The following ATRN variants were observed in gnomAD, a reference collection of about 807,000 sequenced individuals.
The protein encoded by ATRN is attractin, also known as attractin-2.
ATRN carries 54 observed loss-of-function variants against 178.7 expected under a neutral mutation model. The observed-to-expected ratio is 0.30, with a 90% CI of 0.24 to 0.38. ATRN has a LOEUF of 0.38. Among genes scored for constraint, ATRN ranks in the 10% least tolerant of loss-of-function variants. ATRN has a pLI of 1.00. For synonymous variants in ATRN, 636 were observed against 663.0 expected, an observed-to-expected ratio of 0.96 and a Z score of 0.63; for missense variants, 1,443 against 1,815.1, an observed-to-expected ratio of 0.79 and a Z score of 3.73.
chr20:3,503,743 C>T (rs962617846), intron 1 of ATRN, among the ~76,000 whole-genome samples: 5 of 151,988 alleles, frequency 3.3e-5, no homozygotes, highest in South Asian at 2.1e-4. Flanking sequence ...TTAATATTCA[C>T]GTAATTGGAT....
intron 18 of ATRN, among the ~76,000 whole-genome samples, chr20:3,589,882 C>G (rs1265163165): frequency 5.3e-5 from 8 of 152,210 alleles, no homozygotes; most frequent in Admixed American, 3.9e-4. Flanking sequence ...GCCTCCCAGC[C>G]TTGGGTGGTA....
At chr20:3,525,239 T>C (rs1002797696) in intron 1 of ATRN, among the ~76,000 whole-genome samples, 20 of 152,110 alleles carry the variant, frequency 1.3e-4, no homozygotes, top group African/African-American at 4.8e-4. Flanking sequence ...CCCAAAGAAA[T>C]AGAAACTGCC....
chr20:3,474,366 C>A (rs1193394405), intron 1 of ATRN, among the ~76,000 whole-genome samples: 3 of 151,996 alleles, frequency 2.0e-5, no homozygotes, highest in Non-Finnish European at 4.4e-5. Context: ...TGGGATTTTG[C>A]ATTTTTAAAA....
At chr20:3,630,940 TTTTTTTTTTTTTTTTTTTTTTTTTG>T (rs2086985324) in intron 25 of ATRN, among the ~76,000 whole-genome samples, 32 of 63,202 alleles carry the variant, frequency 5.1e-4, no homozygotes, top group East Asian at 2.0e-3. Flanking sequence ...TTTTTTTTTT[TTTTTTTTTTTTTTTTTTTTTTTTTG>T]GGATAGGGTC....
intron 2 of ATRN, among the ~76,000 whole-genome samples, chr20:3,538,089 C>T (rs73608180): frequency 1.4e-4 from 20 of 145,956 alleles, no homozygotes; most frequent in Non-Finnish European, 3.0e-5. Context: ...GTATATCTCC[C>T]AATGCTATCC....
At chr20:3,531,789 G>T (rs1373349325) in intron 1 of ATRN, among the ~76,000 whole-genome samples, 1 of 151,048 alleles carries the variant, frequency 6.6e-6, no homozygotes, top group African/African-American at 2.5e-5. Flanking sequence ...AACTGGGGAA[G>T]TGGGTTAAAA....
intron 26 of ATRN, 23 bp downstream of exon 26, chr20:3,634,412 T>A: frequency 6.2e-7 from 1 of 1,600,016 alleles, no homozygotes; most frequent in Non-Finnish European, 8.6e-7. Flanking sequence ...GGGTAAAGAT[T>A]AAAGAATCCC....
chr20:3,565,418 A>G lies in ATRN; in HGVS notation c.1857A>G (p.Ala619=), dbSNP rs775759405. 20 of 1,613,454 alleles carry G rather than the reference A, an allele frequency of 1.2e-5. No individual in the cohort carries two copies. In the South Asian group the frequency reaches 2.2e-4, roughly 18 times the overall value. ...HHDVNRFGHS[A]VLHNSTMYVF... ...ATGTCAACAGATTTGGCCATTCAGC[A>G]GTCTTACACAACAGGTAATTGGAGA... Residue 619 remains alanine (A), a synonymous_variant, in exon 11 of 29, where the codon GCA becomes GCG. Transcript: ENST00000262919.
At chr20:3,592,197 T>C in intron 19 of ATRN, among the ~76,000 whole-genome samples, 1 of 152,052 alleles carries the variant, frequency 6.6e-6, no homozygotes, top group East Asian at 1.9e-4. Flanking sequence ...GTTAGGAGTT[T>C]GAGACCAGCC....
chr20:3,638,890 G>A lies in ATRN; in HGVS notation c.4005G>A (p.Leu1335=), dbSNP rs756019571. The A allele has an allele frequency of 6.2e-7, 1 of 1,614,110 alleles. No homozygotes were observed. The highest frequency in any genetic ancestry group is 8.5e-7 in the Non-Finnish European group (1 of 1,180,014). ...CCTTTGCCTCTGTAAATGTCGCCTT[G>A]GAAACAGATGAGGAGCCTCCTGATC... The part of the protein sequence containing the change: ...SRPFASVNVA[L]ETDEEPPDLI... The change falls in exon 27 of 29, where the codon TTG becomes TTA. Residue 1335 remains leucine, a synonymous_variant. Transcript: ENST00000262919. This position sits in a 1 kb window ranked among gnomAD's most constrained non-coding sequence, Gnocchi z 4.5.
chr20:3,578,491 C>T (rs1177952305), intron 14 of ATRN, 91 bp from the exon 15 acceptor site: 8 of 1,167,540 alleles, frequency 6.9e-6, no homozygotes, highest in East Asian at 2.4e-5. Flanking sequence ...ATTAGAAAGG[C>T]CATTTCGGTA....
chr20:3,552,525 G>C (rs2146208680), intron 6 of ATRN, among the ~76,000 whole-genome samples: 1 of 152,190 alleles, frequency 6.6e-6, no homozygotes, highest in African/African-American at 2.4e-5. Context: ...ACCCCGTATT[G>C]GTATATTTAT....
At position 3,649,459 on chromosome 20, in the gene ATRN, C is replaced by G. The variant is rs988972909; in HGVS notation, c.*2612C>G. On this transcript the variant is annotated 3_prime_UTR_variant, in exon 29 of 29. Transcript: ENST00000262919. ...GGATATCCAGGTTCTCGCCAGGCCC[C>G]GATACATGAATAACAAACCCAAGAA... 1.3e-5 allele frequency: 2 copies of G among 152,308 alleles called. No homozygotes were observed. Among genetic ancestry groups the G allele is most frequent in the African/African-American group, 4.8e-5 (2 of 41,414 alleles). The allele number at this position is 152,308 out of a possible 1,614,324, so 9.4% of individuals were successfully genotyped here.
rs544105647 is a variant in ATRN at position 3,634,019 on chromosome 20, T to C, written c.3864-292T>C. ...AATTATCTTAGAATTATTTTTCTTA[T>C]TTGGGATAAGCCACTGTGGGCCATT... On this transcript the variant is annotated intron_variant, in intron 25 of 28. Coordinates refer to ENST00000262919, the MANE Select transcript of ATRN (RefSeq NM_139321.3). 4.6e-5 allele frequency among the ~76,000 whole-genome samples: 7 copies of C among 152,306 alleles called. No individual in the cohort carries two copies. The South Asian group carries it at 1.5e-3, about 32-fold the overall frequency.
intron 1 of ATRN, among the ~76,000 whole-genome samples, chr20:3,511,194 AG>A (rs767573624): frequency 3.2e-4 from 48 of 152,324 alleles, no homozygotes; most frequent in Admixed American, 1.6e-3. Flanking sequence ...AAGTAGAAAA[AG>A]CACTGTACAA....
At chr20:3,565,908 A>C (rs1600112103) in intron 11 of ATRN, among the ~76,000 whole-genome samples, 1 of 151,912 alleles carries the variant, frequency 6.6e-6, no homozygotes, top group East Asian at 1.9e-4. Flanking sequence ...TGTGGGTATA[A>C]ATTTTCTGAT....
rs145697599 is a variant in ATRN, at chr20:3,537,723, C to T, written c.494+2387C>T. On this transcript the variant is annotated intron_variant, in intron 2 of 28. Transcript: ENST00000262919. ...TCCCCTTCCTATGTCCAAGTGTTCT[C>T]ATTGTCCTATTCCCACCTATAAGTG... 5.9e-3 allele frequency among the ~76,000 whole-genome samples: 876 copies of T among 149,534 alleles called. 5 individuals are homozygous for T. The highest frequency in any genetic ancestry group is 9.4e-3 in the Admixed American group (142 of 15,046).
intron 6 of ATRN, among the ~76,000 whole-genome samples, chr20:3,553,379 CAT>C (rs962012723): frequency 1.3e-5 from 2 of 152,138 alleles, no homozygotes; most frequent in African/African-American, 2.4e-5. Context: ...TCACCAAATA[CAT>C]GTCATATTTA....
Position 3,547,468 on chromosome 20 carries a change from T to C in ATRN, c.922T>C (p.Ser308Pro). ...CAATTCAAGTGATGTCAGAGGATGC[T>C]CCTGCTTCTCAGACTGGCAGGGTAG... Reference protein sequence around the residue: ...ICNSSDVRGCSCFSDWQGPGC... With the variant: ...ICNSSDVRGCPCFSDWQGPGC... The change falls in exon 5 of 29, where the codon TCC becomes CCC. Residue 308 changes from serine to proline, a missense_variant. Ser to Pro is a moderately conservative substitution (Grantham distance 74). Around this residue, in one of 4 missense-constraint regions of ATRN, gnomAD observed 862 missense variants for 972.1 expected, o/e 0.89. Coordinates refer to ENST00000262919, the MANE Select transcript of ATRN (RefSeq NM_139321.3). 2 of 1,613,942 alleles carry C rather than the reference T, an allele frequency of 1.2e-6. No individual in the cohort carries two copies. Among genetic ancestry groups the C allele is most frequent in the Non-Finnish European group, 1.7e-6 (2 of 1,179,786 alleles).
Sources: gnomAD v4.1 joint callset for allele counts (sites outside exome capture counted in the v4.1 genomes callset) on GRCh38, gnomAD v4.1.1 for gene constraint, gnomAD v4.1.1 regional missense constraint, Gnocchi (gnomAD v3.1) non-coding constraint, MANE v1.5 for transcripts, NCBI Gene and HGNC (gene_info 2026-07-23, HGNC 2026-07-21) for gene names.